The following CAGE1 variants were observed in gnomAD, a reference collection of about 807,000 sequenced individuals.
The protein encoded by CAGE1 is cancer antigen 1.
In CAGE1, 66 loss-of-function variants were observed where a neutral mutation model predicts 94.9. That is an observed-to-expected ratio of 0.70 (90% confidence interval 0.57 to 0.85). The LOEUF is 0.85. Ranked by LOEUF, CAGE1 falls within the 40% of genes least tolerant of loss-of-function variation. The pLI is 0.00. For missense variants in CAGE1, 865 were observed against 950.4 expected (o/e 0.91, Z 1.18); for synonymous variants, 319 against 321.0 (o/e 0.99, Z 0.07).
At position 7,328,930 on chromosome 6, in the gene CAGE1, A is replaced by ATTT. The variant is rs1189273237; in HGVS notation, c.2478+918_2478+919insAAA. The stretch of plus-strand genomic sequence containing the variant: ...TGTGTGTGTGTGTGTATATATATAT[A>ATTT]TATATTTTTTTTTTTTTTTGAGATA... On this transcript the variant is annotated intron_variant, in intron 13 of 13. Transcript: ENST00000502583. Among the ~76,000 whole-genome samples, 347 of 85,588 alleles carry ATTT rather than the reference A, an allele frequency of 4.1e-3. 13 individuals are homozygous for ATTT. The highest frequency in any genetic ancestry group is 0.013 in the African/African-American group (325 of 24,896). 56.1% of individuals were successfully genotyped at this position (85,588 alleles called of 152,430 possible).
intron 1 of CAGE1, among the ~76,000 whole-genome samples, chr6:7,387,822 A>G (rs1761170672): frequency 6.7e-6 from 1 of 149,572 alleles, no homozygotes; most frequent in African/African-American, 2.5e-5. Context: ...GATCGAGATC[A>G]TCCTGGCTAA....
At chr6:7,365,965 G>C in intron 7 of CAGE1, 81 bp from the exon 8 acceptor site, 1 of 880,056 alleles carries the variant, frequency 1.1e-6, no homozygotes, top group Non-Finnish European at 1.7e-6. Context: ...ATCAAACCGG[G>C]CCGGGCGTAG....
At chr6:7,358,520 C>T (rs577302293) in intron 9 of CAGE1, among the ~76,000 whole-genome samples, 127 of 152,172 alleles carry the variant, frequency 8.3e-4, no homozygotes, top group African/African-American at 3.0e-3. Context: ...TTTGTATGAA[C>T]ATATGCTTTC....
chr6:7,349,770 T>A (rs1456249630), intron 11 of CAGE1, among the ~76,000 whole-genome samples: 2 of 151,726 alleles, frequency 1.3e-5, no homozygotes, highest in Non-Finnish European at 2.9e-5. Context: ...CCATCTTTAC[T>A]ACAAATACAA....
intron 11 of CAGE1, among the ~76,000 whole-genome samples, chr6:7,346,280 T>G (rs1759530256): frequency 6.6e-6 from 1 of 152,068 alleles, no homozygotes. Flanking sequence ...TCAGGGCGGG[T>G]GCAGTGACTC....
At chr6:7,388,741 AAAGT>A (rs1409247056) in intron 1 of CAGE1, among the ~76,000 whole-genome samples, 7 of 152,236 alleles carry the variant, frequency 4.6e-5, no homozygotes, top group African/African-American at 1.7e-4. Flanking sequence ...AAAATATAAA[AAAGT>A]AAGCCAAGCA....
rs1759071546 is a variant in CAGE1 at position 7,339,032 on chromosome 6, CT to C, written c.2370-4943del. On this transcript the variant is annotated intron_variant, in intron 11 of 13. Transcript: ENST00000502583. This position sits in a 1 kb window ranked among gnomAD's most constrained non-coding sequence, Gnocchi z 4.7. ...TCTTCACCTTGATGCCCAGCACACTCTGTCTGAGCAACACATGGCGCACAGC... is the reference window on the plus strand; with the variant it reads ...TCTTCACCTTGATGCCCAGCACACTCGTCTGAGCAACACATGGCGCACAGC... The C allele has an allele frequency of 1.9e-6, 3 of 1,607,640 alleles. No individual in the cohort carries two copies. The Admixed American group carries it at 5.0e-5, about 27-fold the overall frequency.
intron 3 of CAGE1, among the ~76,000 whole-genome samples, chr6:7,380,874 T>C (rs953041400): frequency 4.6e-5 from 7 of 152,208 alleles, no homozygotes; most frequent in Non-Finnish European, 7.3e-5. Context: ...GTGAAATTGC[T>C]GGATTATAGA....
At chr6:7,386,110 T>C (rs1761112480) in intron 2 of CAGE1, among the ~76,000 whole-genome samples, 1 of 152,228 alleles carries the variant, frequency 6.6e-6, no homozygotes, top group Non-Finnish European at 1.5e-5. Flanking sequence ...TTTTGGTTTT[T>C]TGGTAAGTCA....
chr6:7,344,557 T>C (rs956253937), intron 11 of CAGE1, among the ~76,000 whole-genome samples: 1 of 152,234 alleles, frequency 6.6e-6, no homozygotes, highest in Non-Finnish European at 1.5e-5. Context: ...CCCCCTGCTC[T>C]ACAGCGCCCA....
chr6:7,375,768 G>T (rs1195051276), intron 4 of CAGE1, among the ~76,000 whole-genome samples: 2 of 152,072 alleles, frequency 1.3e-5, no homozygotes, highest in Non-Finnish European at 2.9e-5. Context: ...GTAGTGGTGT[G>T]CTGTATAATT....
chr6:7,378,636 G>A lies in CAGE1; in HGVS notation c.668C>T (p.Pro223Leu). 1 of 1,587,562 alleles carries A rather than the reference G, an allele frequency of 6.3e-7. No homozygotes were observed. Among genetic ancestry groups the A allele is most frequent in the Non-Finnish European group, 8.5e-7 (1 of 1,171,352 alleles). The stretch of plus-strand genomic sequence containing the variant: ...ACTTTCCTTACATAAGAAGCTTGGA[G>A]GTTGGCTAGGGTTGAGGGCAGATTC... ...AKESALNPSQ[P>L]PSFLCKTAVP... The change falls in exon 4 of 14, where the codon CCT becomes CTT. Residue 223 changes from proline (P) to leucine (L), a missense_variant. By Grantham distance (98) the Pro-to-Leu change is moderately conservative. Transcript: ENST00000502583.
At chr6:7,329,200 T>G (rs1334462609) in intron 13 of CAGE1, 6 of 404,926 alleles carry the variant, frequency 1.5e-5, no homozygotes, top group Non-Finnish European at 2.6e-5. Flanking sequence ...CCCAAAGTGC[T>G]GGGATTACAG....
In CAGE1 at chr6:7,373,451, T is replaced by C. The variant is rs368016750; in HGVS notation, c.1368A>G (p.Gln456=). ...SKKEEEVERL[Q]QLKKELEKAT... ...CCTTTTCCAGTTCTTTTTTGAGTTG[T>C]TGTAGTCTCTCTACCTCTTCTTCTT... The change falls in exon 5 of 14, where the codon CAA becomes CAG. Residue 456 remains glutamine, a synonymous_variant. Coordinates refer to ENST00000502583, the MANE Select transcript of CAGE1 (RefSeq NM_001170692.2). 18 of 1,613,812 alleles carry C rather than the reference T, an allele frequency of 1.1e-5. No individual in the cohort carries two copies. Among genetic ancestry groups the C allele is most frequent in the East Asian group, 6.7e-5 (3 of 44,878 alleles).
intron 11 of CAGE1, among the ~76,000 whole-genome samples, chr6:7,345,107 T>TTGC (rs1561851537): frequency 1.3e-5 from 2 of 151,752 alleles, no homozygotes; most frequent in Non-Finnish European, 2.9e-5. Context: ...TTAACTCTTG[T>TTGC]TGCTGTTTGC....
Position 7,365,848 on chromosome 6 carries a change from C to T in CAGE1, c.2041G>A (p.Glu681Lys), listed in dbSNP as rs758386888. The T allele has an allele frequency of 1.8e-5, 27 of 1,540,024 alleles. No individual in the cohort carries two copies. The highest frequency in any genetic ancestry group is 2.8e-5 in the African/African-American group (2 of 72,570). The change falls in exon 8 of 14, where the codon GAG (glutamate) becomes AAG (lysine). Residue 681 changes from glutamate to lysine, a missense_variant. Physicochemically the swap from Glu to Lys is moderately conservative, Grantham distance 56 (BLOSUM62 1). Transcript: ENST00000502583. ...KHKDRITTFR[E>K]LIAKEKAFQD... is the part of the protein sequence containing the mutation. ...AATGCTTTTTCCTTAGCAATTAACT[C>T]TCTAAAGGTTGTGATTCTATCTTTA...
At chr6:7,357,251 A>G (rs1759989149) in intron 9 of CAGE1, among the ~76,000 whole-genome samples, 1 of 152,186 alleles carries the variant, frequency 6.6e-6, no homozygotes, top group Non-Finnish European at 1.5e-5. Context: ...CTCTAACAAC[A>G]TATATTATTT....
chr6:7,333,731 C>A (rs1006400783), intron 12 of CAGE1, among the ~76,000 whole-genome samples: 2 of 149,082 alleles, frequency 1.3e-5, no homozygotes, highest in Non-Finnish European at 3.0e-5. Flanking sequence ...TGCAGTGGCA[C>A]GATCTCGGCT....
intron 10 of CAGE1, 77 bp from the exon 11 acceptor site, chr6:7,355,188 A>G: frequency 1.1e-6 from 1 of 917,190 alleles, no homozygotes; most frequent in Non-Finnish European, 1.7e-6. Flanking sequence ...CTACAAGTTG[A>G]AGCTTAATTA....
Sources: allele counts gnomAD v4.1 joint callset (sites outside exome capture counted in the v4.1 genomes callset), GRCh38; gene constraint gnomAD v4.1.1; non-coding constraint Gnocchi (gnomAD v3.1); transcripts MANE v1.5; gene names NCBI Gene and HGNC (gene_info 2026-07-23, HGNC 2026-07-21).